GPC5: variants seen among roughly 807,000 people sequenced by gnomAD.
GPC5 encodes glypican 5.
Under a neutral mutation model 53.9 loss-of-function variants are expected in GPC5, and 47 were observed. The ratio of observed to expected loss-of-function variants is 0.87; its 90% CI spans 0.69 to 1.11. The LOEUF (loss-of-function observed/expected upper bound fraction) is 1.11. Ranked by LOEUF, GPC5 falls within the 50% of genes most tolerant of loss-of-function variation. GPC5 has a pLI of 0.00. For synonymous variants in GPC5, 286 were observed against 263.3 expected (o/e 1.09, Z -0.84); for missense variants, 748 against 713.1 (o/e 1.05, Z -0.56).
chr13:92,363,337 A>AT (rs1204624181), intron 7 of GPC5, among the ~76,000 whole-genome samples: 1 of 151,642 alleles, frequency 6.6e-6, no homozygotes, highest in Non-Finnish European at 1.5e-5. Context: ...GGTCCCCAAC[A>AT]TTTTTGGCAC....
chr13:91,643,281 C>T (rs1182006090), intron 2 of GPC5, among the ~76,000 whole-genome samples: 1 of 152,014 alleles, frequency 6.6e-6, no homozygotes, highest in Non-Finnish European at 1.5e-5. Flanking sequence ...ATTGCATTTC[C>T]ATTGTCAATG....
intron 7 of GPC5, among the ~76,000 whole-genome samples, chr13:92,385,528 ATATACATATATG>A: frequency 7.2e-6 from 1 of 138,194 alleles, no homozygotes; most frequent in African/African-American, 3.0e-5. Context: ...ACATATGCAT[ATATACATATATG>A]CATATATACA....
chr13:91,517,784 C>T (rs1350736511), intron 2 of GPC5, among the ~76,000 whole-genome samples: 2 of 152,196 alleles, frequency 1.3e-5, no homozygotes, highest in African/African-American at 4.8e-5. Flanking sequence ...CAGATCATGG[C>T]AGGAGGCGAA....
At chr13:92,756,025 C>CA (rs1435859426) in intron 7 of GPC5, among the ~76,000 whole-genome samples, 2 of 151,892 alleles carry the variant, frequency 1.3e-5, no homozygotes, top group Non-Finnish European at 2.9e-5. Context: ...GAGACACAAC[C>CA]AAAAAAGAGA....
At chr13:91,934,898 C>T (rs1207943072) in intron 6 of GPC5, among the ~76,000 whole-genome samples, 1 of 151,974 alleles carries the variant, frequency 6.6e-6, no homozygotes, top group Admixed American at 6.6e-5. Context: ...AGTTTCTTAT[C>T]TCCAGATCTA....
chr13:92,357,158 A>G (rs528925929), intron 7 of GPC5, among the ~76,000 whole-genome samples: 1 of 151,822 alleles, frequency 6.6e-6, no homozygotes, highest in East Asian at 1.9e-4. Flanking sequence ...CGCTGTGTTA[A>G]TAGTACTGCA....
intron 6 of GPC5, among the ~76,000 whole-genome samples, chr13:92,087,441 C>T (rs2041344400): frequency 6.6e-6 from 1 of 152,094 alleles, no homozygotes; most frequent in South Asian, 2.1e-4. Flanking sequence ...GGATTAGTTA[C>T]CCTCCATTAT....
intron 6 of GPC5, among the ~76,000 whole-genome samples, chr13:91,913,759 T>TG (rs1275304003): frequency 1.3e-5 from 2 of 152,190 alleles, no homozygotes; most frequent in African/African-American, 4.8e-5. Flanking sequence ...TTCTCAGAGT[T>TG]GCTTTCTGGC....
rs115296154 is a variant in GPC5 at position 92,581,896 on chromosome 13, T to G, written c.1562-284386T>G. Among the ~76,000 whole-genome samples, 510 of 152,252 alleles carry G rather than the reference T, an allele frequency of 3.3e-3. 3 individuals are homozygous for G. The highest frequency in any genetic ancestry group is 0.012 in the African/African-American group (491 of 41,558). On this transcript the variant is annotated intron_variant, in intron 7 of 7. Transcript: ENST00000377067. ...GTCTATTCATATCTTTTGCCTAATT[T>G]TTATCAGATTTTCTGTTTTCTTAGT...
rs1242272494 is a variant in GPC5, at chr13:92,707,400, A to G, written c.1562-158882A>G. 3.9e-5 allele frequency among the ~76,000 whole-genome samples: 6 copies of G among 152,008 alleles called. No individual in the cohort carries two copies. The South Asian group carries it at 8.3e-4, about 21-fold the overall frequency. The stretch of plus-strand genomic sequence containing the variant: ...TCGTATGATGCAGACTCACCTTTTG[A>G]GCCTATACTTATTAGTCAGAATCTA... On this transcript the variant is annotated intron_variant, in intron 7 of 7. Coordinates refer to ENST00000377067, the MANE Select transcript of GPC5 (RefSeq NM_004466.6).
intron 1 of GPC5, among the ~76,000 whole-genome samples, chr13:91,446,222 A>G (rs912726321): frequency 2.6e-5 from 4 of 152,188 alleles, no homozygotes; most frequent in Non-Finnish European, 5.9e-5. Context: ...CCTATTTAAC[A>G]TATTGAAAAT....
intron 7 of GPC5, among the ~76,000 whole-genome samples, chr13:92,673,511 T>C (rs1026439419): frequency 6.6e-6 from 1 of 152,126 alleles, no homozygotes; most frequent in African/African-American, 2.4e-5. Context: ...CTCTAACTCA[T>C]GACCACCTCC....
intron 2 of GPC5, among the ~76,000 whole-genome samples, chr13:91,576,696 A>G (rs150011594): frequency 5.9e-4 from 90 of 152,272 alleles, no homozygotes; most frequent in African/African-American, 2.1e-3. Flanking sequence ...AGCTGCAACA[A>G]TGGAAAGGGG....
chr13:92,292,207 G>C (rs150060471), intron 7 of GPC5, among the ~76,000 whole-genome samples: 243 of 152,272 alleles, frequency 1.6e-3, no homozygotes, highest in Non-Finnish European at 2.8e-3. Flanking sequence ...ACCCAGTAGT[G>C]GGATTGCTGG....
At chr13:91,645,675 G>A (rs936402191) in intron 2 of GPC5, among the ~76,000 whole-genome samples, 2 of 152,184 alleles carry the variant, frequency 1.3e-5, no homozygotes, top group Non-Finnish European at 2.9e-5. Flanking sequence ...ATTTTTACAT[G>A]AAAACTGAAG....
At chr13:92,177,603 C>T (rs1337559399) in intron 7 of GPC5, among the ~76,000 whole-genome samples, 1 of 152,080 alleles carries the variant, frequency 6.6e-6, no homozygotes, top group Non-Finnish European at 1.5e-5. Context: ...ATCAGATATG[C>T]ACAGTCTCTG....
intron 5 of GPC5, among the ~76,000 whole-genome samples, chr13:91,897,219 G>C (rs2039451405): frequency 1.3e-5 from 2 of 151,964 alleles, no homozygotes; most frequent in African/African-American, 2.4e-5. Flanking sequence ...AATTACTACA[G>C]GGTTGTTTTC....
At chr13:91,985,083 C>CT (rs2040394657) in intron 6 of GPC5, among the ~76,000 whole-genome samples, 1 of 152,120 alleles carries the variant, frequency 6.6e-6, no homozygotes, top group Admixed American at 6.5e-5. Context: ...ATGCATTTGT[C>CT]TAAGTTTACA....
intron 5 of GPC5, among the ~76,000 whole-genome samples, chr13:91,790,233 T>A (rs2037943537): frequency 6.6e-6 from 1 of 152,230 alleles, no homozygotes; most frequent in Non-Finnish European, 1.5e-5. Context: ...AGATTGTTAG[T>A]TATGTTGAAG....
Sources: gnomAD v4.1 joint callset for allele counts (sites outside exome capture counted in the v4.1 genomes callset) on GRCh38, gnomAD v4.1.1 for gene constraint, MANE v1.5 for transcripts, NCBI Gene and HGNC (gene_info 2026-07-23, HGNC 2026-07-21) for gene names.